GPR158: variants seen among roughly 807,000 people sequenced by gnomAD.
The protein encoded by GPR158 is G protein-coupled receptor 158.
Under a neutral mutation model 78.2 loss-of-function variants are expected in GPR158, and 30 were observed. The observed-to-expected ratio is 0.38, with a 90% CI of 0.29 to 0.52. GPR158 has a LOEUF of 0.52. Among genes scored for constraint, GPR158 ranks in the 20% least tolerant of loss-of-function variants. The pLI is 0.83. For missense variants in GPR158, 1,463 were observed against 1,523.5 expected (o/e 0.96, Z 0.66); for synonymous variants, 581 against 591.1 (o/e 0.98, Z 0.25).
chr10:25,175,996 C>G lies in GPR158; in HGVS notation c.576C>G (p.Leu192=). 1 of 1,613,138 alleles carries G rather than the reference C, an allele frequency of 6.2e-7. No individual in the cohort carries two copies. Among genetic ancestry groups the G allele is most frequent in the South Asian group, 1.1e-5 (1 of 91,034 alleles). The change falls in exon 1 of 11, where the codon CTC becomes CTG. Residue 192 remains leucine, a synonymous_variant. Coordinates refer to ENST00000376351, the MANE Select transcript of GPR158 (RefSeq NM_020752.3). The surrounding 1 kb of genome is among the most constrained non-coding windows in gnomAD (Gnocchi z 6.4). ...CCGCACCGGCCCCACAGGTCTTCCT[C>G]CAGGCCACGCGCGAGGAGAGCCGCA... The part of the protein sequence containing the change: ...SLSAPAPQVF[L]QATREESRIL...
intron 2 of GPR158, among the ~76,000 whole-genome samples, chr10:25,379,480 A>G (rs915879203): frequency 3.9e-5 from 6 of 152,182 alleles, no homozygotes; most frequent in African/African-American, 1.4e-4. Flanking sequence ...TGAGAAAGCC[A>G]GGATTGTTTA....
chr10:25,587,736 C>T (rs12251283), intron 7 of GPR158, among the ~76,000 whole-genome samples: 12,463 of 152,074 alleles, frequency 0.082, 629 homozygotes, highest in African/African-American at 0.13. Context: ...TTTTGTCTTC[C>T]GGCTACATCA....
intron 2 of GPR158, among the ~76,000 whole-genome samples, chr10:25,375,971 G>GA: frequency 6.6e-6 from 1 of 151,650 alleles, no homozygotes; most frequent in East Asian, 1.9e-4. Context: ...ATTACTTTGG[G>GA]AAGAATTGAC....
chr10:25,231,773 A>G (rs578129073), intron 2 of GPR158, among the ~76,000 whole-genome samples: 1 of 152,350 alleles, frequency 6.6e-6, no homozygotes, highest in South Asian at 2.1e-4. Context: ...CAGGGATGAC[A>G]AGAGGATTCA....
At chr10:25,197,795 G>A (rs1405424730) in intron 1 of GPR158, among the ~76,000 whole-genome samples, 1 of 152,126 alleles carries the variant, frequency 6.6e-6, no homozygotes, top group Non-Finnish European at 1.5e-5. Context: ...AGTGAGAAAA[G>A]TGTTTCCTCC....
In GPR158 at chr10:25,176,375, G is replaced by C. The variant is rs1042050977; in HGVS notation, c.902+53G>C. ...AGGCAAAAGCGAAGCTTTCCTTCCG[G>C]TCTTGTGGGTGGGTGCACGTGTGAG... On this transcript the variant is annotated intron_variant, in intron 1 of 10. Coordinates refer to ENST00000376351, the MANE Select transcript of GPR158 (RefSeq NM_020752.3). The surrounding 1 kb of genome is among the most constrained non-coding windows in gnomAD (Gnocchi z 6.3). 2.2e-6 allele frequency: 3 copies of C among 1,362,170 alleles called. No individual in the cohort carries two copies. In the Admixed American group the frequency reaches 6.8e-5, roughly 31 times the overall value. 84.4% of individuals were successfully genotyped at this position (1,362,170 alleles called of 1,614,324 possible).
At chr10:25,288,592 G>T (rs78690164) in intron 2 of GPR158, among the ~76,000 whole-genome samples, 1,772 of 152,274 alleles carry the variant, frequency 0.012, 25 homozygotes, top group South Asian at 0.058. Context: ...TGATGGAGAG[G>T]AACGTAATTT....
chr10:25,417,107 C>T (rs576367610), intron 4 of GPR158, among the ~76,000 whole-genome samples: 50 of 152,166 alleles, frequency 3.3e-4, no homozygotes, highest in Non-Finnish European at 5.1e-4. Context: ...ATTCCTGGCA[C>T]CAAGTCTTGG....
chr10:25,598,733 TG>T lies in GPR158; in HGVS notation c.3109del (p.Glu1037ArgfsTer8). On this transcript the variant is annotated frameshift_variant, in exon 11 of 11. Transcript: ENST00000376351. LOFTEE classifies it low-confidence loss of function (END_TRUNC). Reference protein sequence around the residue: ...QKHVSIVASEMEKNPTFSLKE... With the variant: ...QKHVSIVASEXEKNPTFSLKE... ...CACGTATCTATTGTGGCTTCTGAAA[TG>T]GAGAAAAACCCCACTTTTTCCTTAA... 1 of 1,613,998 alleles carries T rather than the reference TG, an allele frequency of 6.2e-7. No individual in the cohort carries two copies. Among genetic ancestry groups the T allele is most frequent in the South Asian group, 1.1e-5 (1 of 91,076 alleles).
intron 2 of GPR158, among the ~76,000 whole-genome samples, chr10:25,225,838 C>T (rs1320906452): frequency 6.6e-6 from 1 of 151,952 alleles, no homozygotes. Flanking sequence ...TAATGAATCT[C>T]TAAAGATAAA....
At chr10:25,295,116 C>G (rs1398163969) in intron 2 of GPR158, among the ~76,000 whole-genome samples, 1 of 152,178 alleles carries the variant, frequency 6.6e-6, no homozygotes, top group Non-Finnish European at 1.5e-5. Flanking sequence ...CTGTCTTACC[C>G]ACATGTAACC....
intron 2 of GPR158, among the ~76,000 whole-genome samples, chr10:25,380,809 T>A (rs34140122): frequency 0.14 from 21,691 of 152,192 alleles, 1,887 homozygotes; most frequent in African/African-American, 0.24. Flanking sequence ...ATACTAATTC[T>A]ATTGAGTGAT....
intron 2 of GPR158, among the ~76,000 whole-genome samples, chr10:25,308,200 A>G (rs1439367527): frequency 3.3e-5 from 5 of 152,120 alleles, no homozygotes; most frequent in African/African-American, 9.7e-5. Context: ...GGTTTGTTAC[A>G]TAGGTAAATG....
At chr10:25,504,677 C>T (rs1835987806) in intron 5 of GPR158, among the ~76,000 whole-genome samples, 1 of 152,212 alleles carries the variant, frequency 6.6e-6, no homozygotes, top group South Asian at 2.1e-4. Flanking sequence ...CTTTAGGTGA[C>T]ATCTCACCTC....
At chr10:25,536,575 C>T (rs1265556325) in intron 5 of GPR158, among the ~76,000 whole-genome samples, 1 of 152,204 alleles carries the variant, frequency 6.6e-6, no homozygotes, top group Non-Finnish European at 1.5e-5. Context: ...AATCATTGAT[C>T]ATATTCAGAG....
At chr10:25,410,091 T>C (rs1834564388) in intron 3 of GPR158, among the ~76,000 whole-genome samples, 1 of 152,186 alleles carries the variant, frequency 6.6e-6, no homozygotes, top group Non-Finnish European at 1.5e-5. Flanking sequence ...TTTATGACAC[T>C]GTAAATACTC....
chr10:25,598,155 A>G lies in GPR158; in HGVS notation c.2529A>G (p.Thr843=). The change falls in exon 11 of 11, where the codon ACA becomes ACG. Residue 843 remains threonine, a synonymous_variant. Coordinates refer to ENST00000376351, the MANE Select transcript of GPR158 (RefSeq NM_020752.3). ...CCACAGAAAGCCAAGAGGAGGAGAC[A>G]ACAGAAAATTCCACACTGGAATCCC... The part of the protein sequence containing the change: ...SLPTESQEEE[T]TENSTLESLS... 1.2e-6 allele frequency: 2 copies of G among 1,614,180 alleles called. No homozygotes were observed. Among genetic ancestry groups the G allele is most frequent in the Non-Finnish European group, 1.7e-6 (2 of 1,180,026 alleles).
At chr10:25,216,491 T>G (rs1853217003) in intron 1 of GPR158, among the ~76,000 whole-genome samples, 1 of 152,132 alleles carries the variant, frequency 6.6e-6, no homozygotes, top group African/African-American at 2.4e-5. Flanking sequence ...GGAATGTCAG[T>G]TTAGCTACTC....
intron 6 of GPR158, among the ~76,000 whole-genome samples, chr10:25,571,393 A>AAAAT: frequency 6.6e-6 from 1 of 152,336 alleles, no homozygotes; most frequent in East Asian, 1.9e-4. Flanking sequence ...ATATGGAGGA[A>AAAAT]AAATATAGCA....
Sources: gnomAD v4.1 joint callset for allele counts (sites outside exome capture counted in the v4.1 genomes callset) on GRCh38, gnomAD v4.1.1 for gene constraint, Gnocchi (gnomAD v3.1) non-coding constraint, MANE v1.5 for transcripts, NCBI Gene and HGNC (gene_info 2026-07-23, HGNC 2026-07-21) for gene names.